DPP6: variants seen among roughly 807,000 people sequenced by gnomAD.
DPP6 encodes the protein dipeptidyl peptidase like 6.
DPP6 carries 69 observed loss-of-function variants against 122.6 expected under a neutral mutation model. The ratio of observed to expected loss-of-function variants is 0.56; its 90% CI spans 0.46 to 0.69. The LOEUF is 0.69. Ranked by LOEUF, DPP6 falls within the 30% of genes least tolerant of loss-of-function variation. The pLI, the probability that DPP6 is intolerant of heterozygous loss-of-function variation, is 0.00. For synonymous variants in DPP6, 418 were observed against 433.1 expected, an observed-to-expected ratio of 0.97 and a Z score of 0.43; for missense variants, 928 against 1,116.9, an observed-to-expected ratio of 0.83 and a Z score of 2.41.
intron 1 of DPP6, among the ~76,000 whole-genome samples, chr7:154,061,274 T>G (rs1287122488): frequency 6.7e-6 from 1 of 149,134 alleles, no homozygotes; most frequent in Non-Finnish European, 1.5e-5. Flanking sequence ...AACAGCAAGT[T>G]TTTCATGAGT....
intron 1 of DPP6, among the ~76,000 whole-genome samples, chr7:153,989,399 T>C (rs1430116422): frequency 5.3e-5 from 8 of 151,000 alleles, no homozygotes; most frequent in African/African-American, 1.9e-4. Flanking sequence ...TGATTGTGTG[T>C]ACACACACGT....
chr7:154,464,516 C>A (rs1821618481), intron 2 of DPP6, among the ~76,000 whole-genome samples: 1 of 152,160 alleles, frequency 6.6e-6, no homozygotes, highest in Non-Finnish European at 1.5e-5. Context: ...TTTATTTGGC[C>A]ATCTTGCTCT....
At chr7:154,502,212 C>T (rs953139816) in intron 3 of DPP6, among the ~76,000 whole-genome samples, 2 of 152,136 alleles carry the variant, frequency 1.3e-5, no homozygotes, top group East Asian at 3.9e-4. Context: ...AAGGGACTTG[C>T]CTTGTCTCAT....
intron 1 of DPP6, among the ~76,000 whole-genome samples, chr7:154,444,915 C>T (rs1014291340): frequency 6.6e-6 from 1 of 152,208 alleles, no homozygotes; most frequent in African/African-American, 2.4e-5. Flanking sequence ...AAGCTACTCT[C>T]TGTAGATGAA....
intron 1 of DPP6, among the ~76,000 whole-genome samples, chr7:154,389,684 T>G (rs1373305663): frequency 6.6e-6 from 1 of 151,276 alleles, no homozygotes; most frequent in African/African-American, 2.4e-5. Context: ...CTTGAAGATG[T>G]ACAACATAGT....
intron 1 of DPP6, among the ~76,000 whole-genome samples, chr7:154,262,346 A>C (rs1389953320): frequency 2.0e-5 from 3 of 152,186 alleles, no homozygotes; most frequent in Non-Finnish European, 2.9e-5. Context: ...AAATGAGGCC[A>C]TAGAGGTGGA....
chr7:153,911,393 C>T (rs1240562793), intron 1 of DPP6, among the ~76,000 whole-genome samples: 2 of 152,188 alleles, frequency 1.3e-5, no homozygotes, highest in African/African-American at 4.8e-5. Context: ...GTTGGCATGA[C>T]TATTATCTGT....
At chr7:154,155,330 C>T (rs546923198) in intron 1 of DPP6, among the ~76,000 whole-genome samples, 113 of 152,332 alleles carry the variant, frequency 7.4e-4, no homozygotes, top group African/African-American at 2.6e-3. Flanking sequence ...CTGCAGGTGC[C>T]TTTCCCTGAA....
At chr7:154,459,927 C>A (rs936458077) in intron 2 of DPP6, among the ~76,000 whole-genome samples, 2 of 149,234 alleles carry the variant, frequency 1.3e-5, no homozygotes, top group Non-Finnish European at 3.0e-5. Flanking sequence ...TAGATACTGT[C>A]ACTTTCCACC....
At chr7:154,265,447 A>G (rs139867602) in intron 1 of DPP6, among the ~76,000 whole-genome samples, 1 of 152,312 alleles carries the variant, frequency 6.6e-6, no homozygotes, top group East Asian at 1.9e-4. Flanking sequence ...GCTTTGTAAT[A>G]AGAAATGAAA....
At chr7:153,830,338 T>C in the DPP6 span, among the ~76,000 whole-genome samples, 3 of 152,196 alleles carry the variant, frequency 2.0e-5, no homozygotes, top group Admixed American at 1.3e-4. Flanking sequence ...ATTTTCATTA[T>C]TTACCATAGC....
intron 3 of DPP6, among the ~76,000 whole-genome samples, chr7:154,530,704 C>A (rs1488326021): frequency 1.3e-5 from 2 of 152,126 alleles, no homozygotes; most frequent in Admixed American, 6.5e-5. Context: ...ATGTTCACTG[C>A]AGCACTGTTC....
In DPP6 at chr7:154,768,714, A is replaced by G. The variant is rs917689377; in HGVS notation, c.884-703A>G. ...ACACTAACCAGGACACTGATGGGCT[A>G]GGAAGGAATAATGGGTGTTTCTGGT... On this transcript the variant is annotated intron_variant, in intron 8 of 25. Transcript: ENST00000377770. 2.4e-4 allele frequency among the ~76,000 whole-genome samples: 37 copies of G among 152,236 alleles called. 1 individual carries two copies. The highest frequency in any genetic ancestry group is 2.4e-3 in the Admixed American group (37 of 15,284).
At chr7:154,052,341 C>A (rs1427892046), upstream of DPP6, 1 of 152,832 alleles carries the variant, frequency 6.5e-6, no homozygotes, top group South Asian at 2.1e-4. This position sits in a 1 kb window ranked among gnomAD's most constrained non-coding sequence, Gnocchi z 4.8. Context: ...GCGGAGGGGC[C>A]GGGGTGGAGG....
chr7:154,350,449 G>T (rs888610540), intron 1 of DPP6, among the ~76,000 whole-genome samples: 8 of 152,114 alleles, frequency 5.3e-5, no homozygotes, highest in Admixed American at 5.2e-4. Flanking sequence ...GTGGTATGGC[G>T]TGCTAAGTCG....
intron 7 of DPP6, among the ~76,000 whole-genome samples, chr7:154,712,318 C>T (rs189379680): frequency 8.5e-5 from 13 of 152,302 alleles, no homozygotes; most frequent in Non-Finnish European, 1.8e-4. Flanking sequence ...TTGTATACCT[C>T]ATTCTATCTA....
At chr7:154,790,380 G>A (rs1231701815) in intron 10 of DPP6, among the ~76,000 whole-genome samples, 2 of 152,222 alleles carry the variant, frequency 1.3e-5, no homozygotes, top group East Asian at 1.9e-4. Flanking sequence ...AGGATTAGAA[G>A]AGGCAAAGAA....
intron 1 of DPP6, among the ~76,000 whole-genome samples, chr7:154,136,989 C>G (rs904793926): frequency 1.1e-4 from 16 of 152,162 alleles, no homozygotes; most frequent in Non-Finnish European, 1.2e-4. Context: ...GGAGAACCAC[C>G]CTGTCTTACC....
rs555354215 is a variant in DPP6 at position 154,024,993 on chromosome 7, T to G, written c.51+137259T>G. On this transcript the variant is annotated intron_variant, in intron 1 of 25. Transcript: ENST00000404039. ...GAGGGACCTTGCATGTCTTATATTC[T>G]CCAAAACTCCATCCCCACAGGCTTG... Among the ~76,000 whole-genome samples the G allele has an allele frequency of 2.8e-3, 429 of 152,284 alleles. 1 individual carries two copies. The highest frequency in any genetic ancestry group is 2.6e-3 in the Non-Finnish European group (175 of 68,030).
Sources: allele counts gnomAD v4.1 joint callset (sites outside exome capture counted in the v4.1 genomes callset), GRCh38; gene constraint gnomAD v4.1.1; non-coding constraint Gnocchi (gnomAD v3.1); transcripts MANE v1.5; gene names NCBI Gene and HGNC (gene_info 2026-07-23, HGNC 2026-07-21).